DIP2C: variants seen among roughly 807,000 people sequenced by gnomAD.
DIP2C encodes the protein disco-interacting protein 2 homolog C.
Under a neutral mutation model 192.4 loss-of-function variants are expected in DIP2C, and 33 were observed. That is an observed-to-expected ratio of 0.17 (90% confidence interval 0.13 to 0.23). The LOEUF is 0.23. Ranked by LOEUF, DIP2C falls within the 10% of genes least tolerant of loss-of-function variation. The pLI is 1.00. For synonymous variants in DIP2C, 979 were observed against 864.1 expected, an observed-to-expected ratio of 1.13 and a Z score of -2.33; for missense variants, 1,537 against 2,110.1, an observed-to-expected ratio of 0.73 and a Z score of 5.32.
chr10:391,391 G>T lies in DIP2C; in HGVS notation c.1261-528C>A, dbSNP rs117866845. 9.2e-5 allele frequency among the ~76,000 whole-genome samples: 14 copies of T among 152,368 alleles called. No individual in the cohort carries two copies. In the East Asian group the frequency reaches 2.7e-3, roughly 29 times the overall value. ...CTGGGTCACTTTCTCCTCACCCTGA[G>T]CAGCCCAGTCTCAACGAACTAACTG... On this transcript the variant is annotated intron_variant, in intron 10 of 36. Coordinates refer to ENST00000280886, the MANE Select transcript of DIP2C (RefSeq NM_014974.3).
intron 1 of DIP2C, among the ~76,000 whole-genome samples, chr10:647,800 T>G: frequency 7.0e-6 from 1 of 142,538 alleles, no homozygotes; most frequent in South Asian, 2.3e-4. Flanking sequence ...CACGTCCACA[T>G]TGGATGGTGG....
At chr10:443,716 A>G (rs6560840) in intron 3 of DIP2C, among the ~76,000 whole-genome samples, 21,812 of 152,140 alleles carry the variant, frequency 0.14, 3,946 homozygotes, top group African/African-American at 0.42. Context: ...CTCTTGCCAA[A>G]AAAGAAACCT....
intron 17 of DIP2C, among the ~76,000 whole-genome samples, chr10:381,804 G>A (rs1454788705): frequency 6.6e-6 from 1 of 152,176 alleles, no homozygotes; most frequent in Non-Finnish European, 1.5e-5. Flanking sequence ...GGAAAGGAAT[G>A]GTCCTTCTCT....
chr10:305,547 T>C (rs1956277026), intron 32 of DIP2C, among the ~76,000 whole-genome samples: 1 of 152,224 alleles, frequency 6.6e-6, no homozygotes. Flanking sequence ...TACCCTTTAG[T>C]TATGACTTCA....
At chr10:635,890 G>GTCC (rs1019867624) in intron 1 of DIP2C, among the ~76,000 whole-genome samples, 16 of 152,204 alleles carry the variant, frequency 1.1e-4, no homozygotes, top group African/African-American at 3.6e-4. Flanking sequence ...GCTCAACGGG[G>GTCC]TCCTCGGTGG....
chr10:392,542 G>A (rs1162970876), intron 10 of DIP2C, among the ~76,000 whole-genome samples: 1 of 152,220 alleles, frequency 6.6e-6, no homozygotes, highest in African/African-American at 2.4e-5. Context: ...TGGGCCTGCT[G>A]CTCCTCCGCA....
chr10:340,525 G>A (rs1039329428), intron 29 of DIP2C: 2 of 348,830 alleles, frequency 5.7e-6, no homozygotes, highest in Admixed American at 7.9e-5. Context: ...GCTAATAGTG[G>A]GTATTTATTG....
At chr10:397,314 G>A (rs540799097) in intron 10 of DIP2C, among the ~76,000 whole-genome samples, 4 of 152,164 alleles carry the variant, frequency 2.6e-5, no homozygotes, top group Non-Finnish European at 5.9e-5. Context: ...CAGATCACCT[G>A]AGGTCAGGAG....
chr10:626,735 G>A (rs1267645125), intron 1 of DIP2C, among the ~76,000 whole-genome samples: 7 of 152,086 alleles, frequency 4.6e-5, no homozygotes, highest in African/African-American at 7.3e-5. Context: ...AACACCCCAC[G>A]GTCACGCCGA....
At chr10:504,498 G>C (rs140784724) in intron 1 of DIP2C, among the ~76,000 whole-genome samples, 25 of 152,352 alleles carry the variant, frequency 1.6e-4, no homozygotes, top group African/African-American at 6.0e-4. Context: ...GGGAGAGCGA[G>C]GATGGGACTC....
intron 17 of DIP2C, among the ~76,000 whole-genome samples, chr10:377,349 T>C (rs1296995270): frequency 2.0e-5 from 3 of 152,212 alleles, no homozygotes; most frequent in Admixed American, 2.0e-4. Context: ...TGCACCTCCT[T>C]TGCCAAAACC....
chr10:628,701 C>T (rs978940380), intron 1 of DIP2C: 1 of 152,454 alleles, frequency 6.6e-6, no homozygotes, highest in Non-Finnish European at 1.5e-5. Flanking sequence ...CATTGCTAAC[C>T]AGCGAAGGTG....
chr10:416,838 G>A (rs755529295), intron 6 of DIP2C, among the ~76,000 whole-genome samples: 5 of 152,126 alleles, frequency 3.3e-5, no homozygotes, highest in Non-Finnish European at 7.4e-5. Context: ...GGGCTTGGAC[G>A]GTGCAGGGGT....
At chr10:500,465 G>C (rs962415996) in intron 1 of DIP2C, among the ~76,000 whole-genome samples, 1 of 152,220 alleles carries the variant, frequency 6.6e-6, no homozygotes. Flanking sequence ...AACACTGTAC[G>C]TGCCTAGGTT....
chr10:625,060 T>C (rs1272195948), intron 1 of DIP2C, among the ~76,000 whole-genome samples: 1 of 152,182 alleles, frequency 6.6e-6, no homozygotes, highest in African/African-American at 2.4e-5. Context: ...AGCCGCACTA[T>C]GGGCACCGTC....
At chr10:397,348 A>G (rs1397515989) in intron 10 of DIP2C, among the ~76,000 whole-genome samples, 4 of 152,044 alleles carry the variant, frequency 2.6e-5, no homozygotes, top group Non-Finnish European at 5.9e-5. Flanking sequence ...TGGCCAACGT[A>G]ACAAAACCTC....
chr10:345,562 C>A (rs548521312), intron 26 of DIP2C, among the ~76,000 whole-genome samples: 1 of 140,544 alleles, frequency 7.1e-6, no homozygotes, highest in Admixed American at 7.0e-5. Flanking sequence ...AAACCCCCCA[C>A]ACCCCCAACC....
chr10:485,975 G>A lies in DIP2C; in HGVS notation c.157+484C>T, dbSNP rs182594356. 3.0e-3 allele frequency among the ~76,000 whole-genome samples: 452 copies of A among 152,300 alleles called. 1 individual carries two copies. Among genetic ancestry groups the A allele is most frequent in the Non-Finnish European group, 4.0e-3 (273 of 68,020 alleles). ...CACGTAGAAACGCTGGCGGGAAACC[G>A]ACTGCCCTTCTCAAGAATCATCATG... On this transcript the variant is annotated intron_variant, in intron 2 of 36. Coordinates refer to ENST00000280886, the MANE Select transcript of DIP2C (RefSeq NM_014974.3).
intron 1 of DIP2C, among the ~76,000 whole-genome samples, chr10:532,990 G>T (rs1434210024): frequency 1.3e-5 from 2 of 152,144 alleles, no homozygotes; most frequent in Admixed American, 1.3e-4. Context: ...TAGGTGCTGG[G>T]ATTACAGGTG....
Sources: gnomAD v4.1 joint callset for allele counts (sites outside exome capture counted in the v4.1 genomes callset) on GRCh38, gnomAD v4.1.1 for gene constraint, MANE v1.5 for transcripts, NCBI Gene and HGNC (gene_info 2026-07-23, HGNC 2026-07-21) for gene names.